The following FYB2 variants were observed in gnomAD, a reference collection of about 807,000 sequenced individuals.
FYB2 encodes FYN binding protein 2.
FYB2 carries 103 observed loss-of-function variants against 94.1 expected under a neutral mutation model. The ratio of observed to expected loss-of-function variants is 1.09; its 90% CI spans 0.93 to 1.29. FYB2 has a LOEUF of 1.29. FYB2 is among the 50% of genes most tolerant of loss of function. The pLI, the probability that FYB2 is intolerant of heterozygous loss-of-function variation, is 0.00. For synonymous variants in FYB2, 293 were observed against 287.9 expected (o/e 1.02, Z -0.18); for missense variants, 896 against 841.5 (o/e 1.06, Z -0.80).
chr1:56,789,962 G>T (rs1218439634), intron 2 of FYB2, among the ~76,000 whole-genome samples: 1 of 152,038 alleles, frequency 6.6e-6, no homozygotes, highest in African/African-American at 2.4e-5. Context: ...GTGATATCTG[G>T]GCACCTGTGT....
In FYB2 at chr1:56,785,565, T is replaced by C. The variant is rs545840588; in HGVS notation, c.953+1610A>G. On this transcript the variant is annotated intron_variant, in intron 4 of 19. Coordinates refer to ENST00000343433, the MANE Select transcript of FYB2 (RefSeq NM_001004303.5). ...ACATGAATTGCGTCTAACACCACAC[T>C]ACCAGTTCCTTGTTGAATAAGATTG... Among the ~76,000 whole-genome samples, 4 of 152,354 alleles carry C rather than the reference T, an allele frequency of 2.6e-5. No homozygotes were observed. The South Asian group carries it at 8.3e-4, about 32-fold the overall frequency.
intron 4 of FYB2, among the ~76,000 whole-genome samples, chr1:56,768,150 C>T (rs150318615): frequency 6.6e-6 from 1 of 152,044 alleles, no homozygotes; most frequent in African/African-American, 2.4e-5. Context: ...TTATACAGTC[C>T]ACACAGAAAT....
chr1:56,796,255 T>A (rs1351074065), intron 1 of FYB2, among the ~76,000 whole-genome samples: 1 of 152,196 alleles, frequency 6.6e-6, no homozygotes, highest in Non-Finnish European at 1.5e-5. Flanking sequence ...ATGCCTTTTG[T>A]TTTTTATTAT....
rs117229264 is a variant in FYB2 at position 56,731,467 on chromosome 1, A to G, written c.1794-4884T>C. ...AGAGCTAGGTTTAGAGGCATGAGCC[A>G]CTGCACCTGGCCAACTGGGAACCAT... On this transcript the variant is annotated intron_variant, in intron 15 of 19. Coordinates refer to ENST00000343433, the MANE Select transcript of FYB2 (RefSeq NM_001004303.5). Among the ~76,000 whole-genome samples, 39 of 152,270 alleles carry G rather than the reference A, an allele frequency of 2.6e-4. 1 individual carries two copies. The East Asian group carries it at 7.4e-3, about 29-fold the overall frequency.
intron 5 of FYB2, among the ~76,000 whole-genome samples, chr1:56,766,758 G>A (rs1645633760): frequency 6.6e-6 from 1 of 152,142 alleles, no homozygotes; most frequent in Admixed American, 6.5e-5. Context: ...TTTCTTGAGG[G>A]AGAAGAGGGA....
At chr1:56,731,468 C>T (rs1302903014) in intron 15 of FYB2, among the ~76,000 whole-genome samples, 1 of 152,142 alleles carries the variant, frequency 6.6e-6, no homozygotes, top group Non-Finnish European at 1.5e-5. Context: ...GCATGAGCCA[C>T]TGCACCTGGC....
intron 12 of FYB2, among the ~76,000 whole-genome samples, chr1:56,741,121 A>T (rs1644943010): frequency 6.6e-6 from 1 of 152,116 alleles, no homozygotes; most frequent in South Asian, 2.1e-4. Context: ...CCATAAAAAA[A>T]ATAAAGAACC....
At chr1:56,748,590 G>A (rs958160979) in intron 9 of FYB2, among the ~76,000 whole-genome samples, 4 of 151,574 alleles carry the variant, frequency 2.6e-5, no homozygotes, top group South Asian at 2.1e-4. Flanking sequence ...CTCTTTTAAC[G>A]GTATATTTTA....
At chr1:56,788,734 T>A in intron 3 of FYB2, 1 of 542,554 alleles carries the variant, frequency 1.8e-6, no homozygotes, top group South Asian at 2.2e-5. Context: ...CTTGGACAGA[T>A]TCCCAGTGAT....
At chr1:56,773,556 T>C (rs1645809733) in intron 4 of FYB2, among the ~76,000 whole-genome samples, 1 of 152,130 alleles carries the variant, frequency 6.6e-6, no homozygotes, top group Non-Finnish European at 1.5e-5. Flanking sequence ...TGGGAATAAC[T>C]GAATCACAAT....
At chr1:56,793,047 T>G (rs924693846) in intron 1 of FYB2, among the ~76,000 whole-genome samples, 7 of 152,180 alleles carry the variant, frequency 4.6e-5, no homozygotes, top group African/African-American at 1.7e-4. Flanking sequence ...ACTCCAGGGA[T>G]GTTTAATTTT....
intron 16 of FYB2, 101 bp from the exon 17 acceptor site, chr1:56,723,782 AT>A (rs1356543945): frequency 1.5e-6 from 1 of 656,018 alleles, no homozygotes; most frequent in East Asian, 2.9e-5. Context: ...TTCAGGTATA[AT>A]TTTTTGTGAT....
At chr1:56,798,213 G>A (rs932287935) in intron 1 of FYB2, among the ~76,000 whole-genome samples, 3 of 152,206 alleles carry the variant, frequency 2.0e-5, no homozygotes, top group Admixed American at 6.5e-5. Context: ...AAGCAGATTA[G>A]AATGCCCATG....
intron 5 of FYB2, among the ~76,000 whole-genome samples, chr1:56,762,821 T>C (rs1292332237): frequency 1.3e-5 from 2 of 152,216 alleles, no homozygotes; most frequent in Non-Finnish European, 1.5e-5. Flanking sequence ...TTACCGGTAG[T>C]AGGGGAAAAG....
In FYB2 at chr1:56,749,553, T is replaced by C. The variant is rs1214259260; in HGVS notation, c.1387+1491A>G. 3.3e-5 allele frequency among the ~76,000 whole-genome samples: 5 copies of C among 152,150 alleles called. 1 individual carries two copies. The highest frequency in any genetic ancestry group is 1.5e-5 in the Non-Finnish European group (1 of 67,948). On this transcript the variant is annotated intron_variant, in intron 9 of 19. Transcript: ENST00000343433. The stretch of plus-strand genomic sequence containing the variant: ...TTTTCCTTTTCAAATATTTTTAAAA[T>C]ATGGCTATTCTCTATTCATATTATC...
chr1:56,723,570 C>A lies in FYB2; in HGVS notation c.1974+18G>T, dbSNP rs752080023. On this transcript the variant is annotated intron_variant, in intron 17 of 19. Transcript: ENST00000343433. ...AGCTGTTAATATTGCTAATTTTTAC[C>A]TTCAGAAGAGAACGTACCTTAAACC... The A allele has an allele frequency of 2.1e-6, 3 of 1,423,314 alleles. No individual in the cohort carries two copies. The highest frequency in any genetic ancestry group is 4.3e-5 in the Admixed American group (2 of 46,730). The allele number at this position is 1,423,314 out of a possible 1,614,324, so 88.2% of individuals were successfully genotyped here.
intron 9 of FYB2, among the ~76,000 whole-genome samples, chr1:56,745,980 C>G (rs1012861413): frequency 6.6e-6 from 1 of 151,938 alleles, no homozygotes; most frequent in Non-Finnish European, 1.5e-5. Flanking sequence ...ATATGGCTCT[C>G]TTCCTCAACT....
intron 4 of FYB2, among the ~76,000 whole-genome samples, chr1:56,770,948 G>A (rs1448649516): frequency 6.6e-6 from 1 of 152,136 alleles, no homozygotes; most frequent in Non-Finnish European, 1.5e-5. Flanking sequence ...CATCAGATTA[G>A]CTAGAATCTC....
At chr1:56,757,583 T>C (rs1645364250) in intron 6 of FYB2, among the ~76,000 whole-genome samples, 1 of 152,088 alleles carries the variant, frequency 6.6e-6, no homozygotes, top group Non-Finnish European at 1.5e-5. Context: ...AGACATATGC[T>C]TCCTGTCCTC....
Sources: gnomAD v4.1 joint callset for allele counts (sites outside exome capture counted in the v4.1 genomes callset) on GRCh38, gnomAD v4.1.1 for gene constraint, MANE v1.5 for transcripts, NCBI Gene and HGNC (gene_info 2026-07-23, HGNC 2026-07-21) for gene names.